L3MBTL4: variants seen among roughly 807,000 people sequenced by gnomAD.
The protein encoded by L3MBTL4 is L3MBTL histone methyl-lysine binding protein 4, also known as lethal(3)malignant brain tumor-like protein 4.
L3MBTL4 carries 70 observed loss-of-function variants against 84.5 expected under a neutral mutation model. That is an observed-to-expected ratio of 0.83 (90% confidence interval 0.68 to 1.01). L3MBTL4 has a LOEUF of 1.01. Among genes scored for constraint, L3MBTL4 ranks in the 50% least tolerant of loss-of-function variants. The probability of loss-of-function intolerance (pLI) is 0.00; values close to 1 mark genes in which losing one functional copy is unlikely to be tolerated. For synonymous variants in L3MBTL4, 274 were observed against 259.8 expected (o/e 1.05, Z -0.52); for missense variants, 715 against 754.8 (o/e 0.95, Z 0.62).
At chr18:6,280,459 A>G (rs1448030949) in intron 4 of L3MBTL4, among the ~76,000 whole-genome samples, 1 of 152,160 alleles carries the variant, frequency 6.6e-6, no homozygotes, top group Admixed American at 6.5e-5. Flanking sequence ...AAAGCCCTAA[A>G]CTGTGTGCTA....
intron 10 of L3MBTL4, among the ~76,000 whole-genome samples, chr18:6,228,061 G>A (rs2046848992): frequency 6.6e-6 from 1 of 152,168 alleles, no homozygotes; most frequent in Non-Finnish European, 1.5e-5. Flanking sequence ...TGGTATTAAT[G>A]TAAAGTTACA....
At chr18:6,397,292 C>T (rs1349453752) in intron 1 of L3MBTL4, 16 of 152,108 alleles carry the variant, frequency 1.1e-4, no homozygotes, top group African/African-American at 3.4e-4. Flanking sequence ...ATTTAGAAAA[C>T]GATTAAGAGC....
chr18:6,057,119 C>T (rs2057053157), intron 16 of L3MBTL4, among the ~76,000 whole-genome samples: 1 of 152,032 alleles, frequency 6.6e-6, no homozygotes, highest in Non-Finnish European at 1.5e-5. Context: ...CAACCTCTGC[C>T]TCCCAGGCTC....
intron 12 of L3MBTL4, among the ~76,000 whole-genome samples, chr18:6,184,191 T>G (rs540338628): frequency 2.0e-5 from 3 of 152,356 alleles, no homozygotes; most frequent in African/African-American, 7.2e-5. Context: ...TAGTACAACA[T>G]TAATCTTATT....
At chr18:5,999,603 T>A (rs1015154225) in intron 16 of L3MBTL4, among the ~76,000 whole-genome samples, 1 of 152,148 alleles carries the variant, frequency 6.6e-6, no homozygotes, top group African/African-American at 2.4e-5. Flanking sequence ...CCTAGAATCA[T>A]ACAAAAACAA....
chr18:5,988,759 T>C (rs919684974), intron 16 of L3MBTL4, among the ~76,000 whole-genome samples: 1 of 152,196 alleles, frequency 6.6e-6, no homozygotes, highest in African/African-American at 2.4e-5. Flanking sequence ...TAGAATCATC[T>C]GAGGAGATGT....
intron 16 of L3MBTL4, among the ~76,000 whole-genome samples, chr18:6,039,987 A>C (rs1342480657): frequency 1.3e-5 from 2 of 152,248 alleles, no homozygotes; most frequent in African/African-American, 4.8e-5. Flanking sequence ...TGTATTTTCA[A>C]AAACTCGTTT....
At chr18:6,121,685 C>T (rs931186551) in intron 14 of L3MBTL4, among the ~76,000 whole-genome samples, 10 of 142,834 alleles carry the variant, frequency 7.0e-5, no homozygotes, top group African/African-American at 2.3e-4. Flanking sequence ...ATTGTTTCCC[C>T]GTGTGTGTGT....
At chr18:6,121,938 A>G (rs919799127) in intron 14 of L3MBTL4, among the ~76,000 whole-genome samples, 4 of 152,198 alleles carry the variant, frequency 2.6e-5, no homozygotes, top group Non-Finnish European at 5.9e-5. Flanking sequence ...AGTGAGAGGC[A>G]TAATTTCAAC....
chr18:6,321,862 A>G (rs1207224793), intron 1 of L3MBTL4, among the ~76,000 whole-genome samples: 2 of 151,954 alleles, frequency 1.3e-5, no homozygotes, highest in African/African-American at 4.8e-5. Flanking sequence ...ACAAAGGCAT[A>G]CTCTGTGGTA....
chr18:5,969,082 T>C (rs1302427437), intron 17 of L3MBTL4, among the ~76,000 whole-genome samples: 2 of 152,046 alleles, frequency 1.3e-5, no homozygotes, highest in Non-Finnish European at 2.9e-5. Flanking sequence ...ATCTCTGATA[T>C]GGAATTGGAG....
intron 1 of L3MBTL4, among the ~76,000 whole-genome samples, chr18:6,390,682 C>T (rs747508906): frequency 3.3e-5 from 5 of 152,034 alleles, no homozygotes; most frequent in Non-Finnish European, 5.9e-5. Flanking sequence ...AAAAATCCTT[C>T]GAGACTGCTA....
intron 13 of L3MBTL4, among the ~76,000 whole-genome samples, chr18:6,161,922 T>A (rs2043357109): frequency 6.7e-6 from 1 of 150,062 alleles, no homozygotes; most frequent in South Asian, 2.1e-4. Flanking sequence ...CATATAATTC[T>A]TATATATAAA....
At chr18:6,043,609 G>A (rs1208360031) in intron 16 of L3MBTL4, among the ~76,000 whole-genome samples, 2 of 152,174 alleles carry the variant, frequency 1.3e-5, no homozygotes, top group Non-Finnish European at 2.9e-5. Flanking sequence ...TGCCACAGGT[G>A]CAGGTTGATG....
intron 13 of L3MBTL4, among the ~76,000 whole-genome samples, chr18:6,158,413 C>G (rs1039375102): frequency 3.9e-5 from 6 of 152,154 alleles, no homozygotes; most frequent in African/African-American, 1.4e-4. Context: ...ATAGACCATT[C>G]TGAACAGAGA....
In L3MBTL4 at chr18:6,300,215, A is replaced by G. The variant is rs1156477016; in HGVS notation, c.127+1688T>C. On this transcript the variant is annotated intron_variant, in intron 4 of 18. Transcript: ENST00000317931. Reference sequence around the variant, plus strand: ...AATTAGTTCCTTTGTCCTACTAAAAATGGTAAAAATATAAATTACCTCAAA... The same window carrying G: ...AATTAGTTCCTTTGTCCTACTAAAAGTGGTAAAAATATAAATTACCTCAAA... 5.3e-5 allele frequency among the ~76,000 whole-genome samples: 8 copies of G among 152,354 alleles called. No homozygotes were observed. In the East Asian group the frequency reaches 1.5e-3, roughly 29 times the overall value.
intron 1 of L3MBTL4, among the ~76,000 whole-genome samples, chr18:6,337,683 A>T (rs1483110143): frequency 1.3e-5 from 2 of 152,140 alleles, no homozygotes; most frequent in African/African-American, 4.8e-5. Flanking sequence ...GGACACATGG[A>T]TGTGTTTACT....
chr18:6,311,759 G>T, intron 2 of L3MBTL4, 103 bp from the exon 3 acceptor site: 1 of 694,738 alleles, frequency 1.4e-6, no homozygotes, highest in Non-Finnish European at 2.6e-6. Flanking sequence ...CTCATAGTTG[G>T]TTACTATAAA....
intron 17 of L3MBTL4, among the ~76,000 whole-genome samples, chr18:5,960,953 A>G (rs2095260399): frequency 6.6e-6 from 1 of 152,196 alleles, no homozygotes; most frequent in African/African-American, 2.4e-5. Flanking sequence ...GATAAAGGGT[A>G]GACTCCCAAC....
Sources: allele counts gnomAD v4.1 joint callset (sites outside exome capture counted in the v4.1 genomes callset), GRCh38; gene constraint gnomAD v4.1.1; transcripts MANE v1.5; gene names NCBI Gene and HGNC (gene_info 2026-07-23, HGNC 2026-07-21).